Variants in PRDM6 observed in about 807,000 individuals in gnomAD.
PRDM6 encodes PR/SET domain 6, also known as putative histone-lysine N-methyltransferase PRDM6.
A neutral mutation model predicts 60.8 loss-of-function variants in PRDM6; 25 were observed. That is an observed-to-expected ratio of 0.41 (90% CI 0.30 to 0.57). The LOEUF (loss-of-function observed/expected upper bound fraction) is 0.57, where lower values mean the gene tolerates loss of function less well. Ranked by LOEUF, PRDM6 falls within the 20% of genes least tolerant of loss-of-function variation. PRDM6 has a pLI of 0.27. For missense variants in PRDM6, 839 were observed against 821.3 expected, an observed-to-expected ratio of 1.02 and a Z score of -0.26; for synonymous variants, 407 against 357.4, an observed-to-expected ratio of 1.14 and a Z score of -1.57.
At chr5:123,184,559 G>A (rs565340597) in intron 7 of PRDM6, among the ~76,000 whole-genome samples, 51 of 152,232 alleles carry the variant, frequency 3.4e-4, no homozygotes, top group Middle Eastern at 6.8e-3. Context: ...TACACTGCAC[G>A]AAGTCCAGGC....
At chr5:123,134,034 G>T (rs1288342710) in intron 3 of PRDM6, among the ~76,000 whole-genome samples, 2 of 152,086 alleles carry the variant, frequency 1.3e-5, no homozygotes, top group African/African-American at 2.4e-5. Flanking sequence ...TTAAAGATCA[G>T]TTTACAAACT....
intron 6 of PRDM6, among the ~76,000 whole-genome samples, chr5:123,178,849 T>G (rs1561884302): frequency 6.6e-6 from 1 of 152,220 alleles, no homozygotes; most frequent in Non-Finnish European, 1.5e-5. Flanking sequence ...CAGTCACCAT[T>G]GTCTCCCGGC....
chr5:123,102,467 A>G (rs1764125583), intron 3 of PRDM6, among the ~76,000 whole-genome samples: 1 of 152,126 alleles, frequency 6.6e-6, no homozygotes, highest in African/African-American at 2.4e-5. Flanking sequence ...ATTTAAAAAA[A>G]TCATCATATT....
intron 6 of PRDM6, among the ~76,000 whole-genome samples, chr5:123,179,031 A>G (rs1027913976): frequency 2.8e-4 from 43 of 152,200 alleles, no homozygotes; most frequent in Admixed American, 6.5e-5. Flanking sequence ...ATCTGAACAA[A>G]AATTTTGATA....
chr5:123,180,619 T>C (rs1464702906), intron 7 of PRDM6, among the ~76,000 whole-genome samples: 1 of 152,216 alleles, frequency 6.6e-6, no homozygotes, highest in African/African-American at 2.4e-5. Flanking sequence ...TTAATATTTT[T>C]TTCAGTCCCT....
At chr5:123,104,149 G>A (rs1465182928) in intron 3 of PRDM6, among the ~76,000 whole-genome samples, 2 of 151,872 alleles carry the variant, frequency 1.3e-5, no homozygotes, top group African/African-American at 2.4e-5. Flanking sequence ...TTAAGCAAAT[G>A]GTCTATTTTT....
chr5:123,184,536 C>G (rs561643436), intron 7 of PRDM6, among the ~76,000 whole-genome samples: 2 of 152,222 alleles, frequency 1.3e-5, no homozygotes, highest in African/African-American at 4.8e-5. Flanking sequence ...TCTTTTCTTC[C>G]TTCTTACTCT....
chr5:123,121,945 C>T (rs963220061), intron 3 of PRDM6, among the ~76,000 whole-genome samples: 4 of 150,228 alleles, frequency 2.7e-5, no homozygotes, highest in South Asian at 2.1e-4. Flanking sequence ...CGGCGGATCA[C>T]GAGGTCAGGA....
At chr5:123,176,826 C>T (rs1400697648) in intron 6 of PRDM6, among the ~76,000 whole-genome samples, 2 of 152,166 alleles carry the variant, frequency 1.3e-5, no homozygotes, top group East Asian at 1.9e-4. Context: ...AGAGTGTCTC[C>T]GAGTATGACA....
intron 6 of PRDM6, among the ~76,000 whole-genome samples, chr5:123,172,100 T>G (rs1765902497): frequency 6.6e-6 from 1 of 152,120 alleles, no homozygotes; most frequent in Non-Finnish European, 1.5e-5. Flanking sequence ...TTGCCACTAA[T>G]TTAAGCAAGC....
chr5:123,089,740 T>C (rs1219490212), intron 1 of PRDM6, among the ~76,000 whole-genome samples: 1 of 152,118 alleles, frequency 6.6e-6, no homozygotes, highest in Non-Finnish European at 1.5e-5. Flanking sequence ...CGCCCTCCTG[T>C]CGGGCCCCAG....
chr5:123,113,843 G>A (rs1363557538), intron 3 of PRDM6, among the ~76,000 whole-genome samples: 3 of 152,132 alleles, frequency 2.0e-5, no homozygotes, highest in Non-Finnish European at 2.9e-5. Flanking sequence ...CCTTGACATG[G>A]TTAGCCTACC....
chr5:123,099,677 C>A lies in PRDM6; in HGVS notation c.616C>A (p.Arg206Ser), dbSNP rs764215423. The change falls in exon 3 of 8, where the codon CGC becomes AGC. Residue 206 changes from arginine (R) to serine (S), a missense_variant. Physicochemically the swap from Arg to Ser is moderately radical, Grantham distance 110. Around this residue, in one of 2 missense-constraint regions of PRDM6, gnomAD observed 730 missense variants for 648.8 expected, o/e 1.13. Coordinates refer to ENST00000407847, the MANE Select transcript of PRDM6 (RefSeq NM_001136239.4). The surrounding 1 kb of genome is among the most constrained non-coding windows in gnomAD (Gnocchi z 4.0). ...NNRCDMCADNRNGECPMHGPL... is the reference protein window; with the variant it reads ...NNRCDMCADNSNGECPMHGPL... ...AGGTTGCGACATGTGCGCGGACAAC[C>A]GCAACGGCGAGTGCCCTATGCATGG... 8 of 1,474,614 alleles carry A rather than the reference C, an allele frequency of 5.4e-6. No individual in the cohort carries two copies. Among genetic ancestry groups the A allele is most frequent in the Non-Finnish European group, 7.2e-6 (8 of 1,109,708 alleles). 91.3% of individuals were successfully genotyped at this position (1,474,614 alleles called of 1,614,324 possible). A position where few individuals can be genotyped will look rare whatever the true frequency, so the allele number is the denominator to read the frequency against.
intron 3 of PRDM6, among the ~76,000 whole-genome samples, chr5:123,109,884 A>G (rs1764268930): frequency 6.6e-6 from 1 of 152,206 alleles, no homozygotes; most frequent in South Asian, 2.1e-4. Flanking sequence ...TTGACCACAG[A>G]CCTCAAATCA....
chr5:123,169,157 A>G (rs1337344086), intron 5 of PRDM6, among the ~76,000 whole-genome samples: 1 of 152,126 alleles, frequency 6.6e-6, no homozygotes, highest in Non-Finnish European at 1.5e-5. Flanking sequence ...CATTCTCTTG[A>G]CCACCTGGTA....
chr5:123,169,548 G>T (rs889954322), intron 5 of PRDM6, among the ~76,000 whole-genome samples: 26 of 152,192 alleles, frequency 1.7e-4, no homozygotes, highest in Non-Finnish European at 3.2e-4. Context: ...TTAAAGATGA[G>T]GATGCTAAGG....
At chr5:123,186,731 T>TG (rs769449487) in intron 7 of PRDM6, among the ~76,000 whole-genome samples, 1 of 152,232 alleles carries the variant, frequency 6.6e-6, no homozygotes, top group Non-Finnish European at 1.5e-5. Context: ...AATTTCTCTT[T>TG]GGGGTTACAG....
chr5:123,129,216 C>G (rs1348447265), intron 3 of PRDM6, among the ~76,000 whole-genome samples: 2 of 152,164 alleles, frequency 1.3e-5, no homozygotes, highest in African/African-American at 2.4e-5. Context: ...CAGCTTTGTT[C>G]TTTTGGCTTA....
intron 4 of PRDM6, 72 bp downstream of exon 4, chr5:123,156,083 C>A: frequency 1.4e-6 from 2 of 1,412,136 alleles, no homozygotes; most frequent in South Asian, 1.5e-5. Context: ...TCAGGCTTGC[C>A]ACTGGTGGGT....
Sources: allele counts gnomAD v4.1 joint callset (sites outside exome capture counted in the v4.1 genomes callset), GRCh38; gene constraint gnomAD v4.1.1; regional missense constraint gnomAD v4.1.1; non-coding constraint Gnocchi (gnomAD v3.1); transcripts MANE v1.5; gene names NCBI Gene and HGNC (gene_info 2026-07-23, HGNC 2026-07-21).